GEMIN5: variants seen among roughly 807,000 people sequenced by gnomAD.
GEMIN5 encodes gem-associated protein 5.
In GEMIN5, 124 loss-of-function variants were observed where a neutral mutation model predicts 176.9. The observed-to-expected ratio is 0.70, with a 90% confidence interval of 0.61 to 0.81. The LOEUF (loss-of-function observed/expected upper bound fraction) is 0.81, where lower values mean the gene tolerates loss of function less well. Among genes scored for constraint, GEMIN5 ranks in the 40% least tolerant of loss-of-function variants. The pLI, the probability that GEMIN5 is intolerant of heterozygous loss-of-function variation, is 0.00. For missense variants in GEMIN5, 1,843 were observed against 1,814.6 expected, an observed-to-expected ratio of 1.02 and a Z score of -0.28; for synonymous variants, 673 against 665.2, an observed-to-expected ratio of 1.01 and a Z score of -0.18.
At chr5:154,890,364 G>A (rs1171847146) in intron 26 of GEMIN5, among the ~76,000 whole-genome samples, 1 of 151,926 alleles carries the variant, frequency 6.6e-6, no homozygotes, top group Non-Finnish European at 1.5e-5. Flanking sequence ...TTTTGCCTAT[G>A]ACACAGCCCT....
Position 154,907,666 on chromosome 5 carries a change from C to T in GEMIN5, c.2320G>A (p.Glu774Lys), listed in dbSNP as rs1272323309. The T allele has an allele frequency of 6.2e-7, 1 of 1,614,182 alleles. No individual in the cohort carries two copies. Among genetic ancestry groups the T allele is most frequent in the Admixed American group, 1.7e-5 (1 of 60,018 alleles). ...CCTTCTTGGTCTGACACACCATTCTCAACAGGTCCTGAGTTCTCCTTCATG... is the reference window on the plus strand; with the variant it reads ...CCTTCTTGGTCTGACACACCATTCTTAACAGGTCCTGAGTTCTCCTTCATG... ...ESMKENSGPVENGVSDQEGEE... is the reference protein window; with the variant it reads ...ESMKENSGPVKNGVSDQEGEE... The change falls in exon 16 of 28, where the codon GAG (glutamate) becomes AAG (lysine). Residue 774 changes from glutamate (E) to lysine (K), a missense_variant. Glu to Lys is a moderately conservative substitution (Grantham distance 56). Coordinates refer to ENST00000285873, the MANE Select transcript of GEMIN5 (RefSeq NM_015465.5).
chr5:154,918,880 C>A (rs892627544), intron 11 of GEMIN5, among the ~76,000 whole-genome samples: 2 of 151,784 alleles, frequency 1.3e-5, no homozygotes, highest in Admixed American at 1.3e-4. Flanking sequence ...CCTGTCTCTA[C>A]TAAAGACACA....
chr5:154,889,454 T>C, intron 26 of GEMIN5, 37 bp from the exon 27 acceptor site: 1 of 1,167,486 alleles, frequency 8.6e-7, no homozygotes, highest in South Asian at 1.2e-5. Context: ...TTGTATGTCT[T>C]GCCCTGGGTA....
At chr5:154,894,441 T>G (rs1188165448) in intron 24 of GEMIN5, among the ~76,000 whole-genome samples, 9 of 152,202 alleles carry the variant, frequency 5.9e-5, no homozygotes, top group African/African-American at 2.2e-4. Flanking sequence ...GTAGCAGAAC[T>G]GCTGAGACAT....
intron 24 of GEMIN5, among the ~76,000 whole-genome samples, chr5:154,895,391 A>C (rs1437040487): frequency 1.3e-5 from 2 of 152,160 alleles, no homozygotes; most frequent in African/African-American, 4.8e-5. Flanking sequence ...TAGCAGTTAA[A>C]ATAAATCAAC....
At position 154,931,464 on chromosome 5, in the gene GEMIN5, C is replaced by A; in HGVS notation, c.775G>T (p.Gly259Cys). ...QTIRIWSCSR[G>C]RGVMILKLPF... is the part of the protein sequence containing the mutation. ...AAAGAAAGATCAATCTTACCTCGGC[C>A]TCTAGAACAGCTCCAGATTCGAATG... Residue 259 changes from glycine (G) to cysteine (C), a missense_variant, in exon 5 of 28, where the codon GGC becomes TGC. Gly to Cys is a radical substitution (Grantham distance 159). Transcript: ENST00000285873. The A allele has an allele frequency of 6.2e-7, 1 of 1,610,244 alleles. No individual in the cohort carries two copies.
chr5:154,935,467 C>T (rs1322555382), intron 3 of GEMIN5, among the ~76,000 whole-genome samples: 1 of 152,164 alleles, frequency 6.6e-6, no homozygotes, highest in Non-Finnish European at 1.5e-5. Context: ...CATCACTTTC[C>T]CAATCTAAAG....
Position 154,912,959 on chromosome 5 carries a change from C to G in GEMIN5, c.1935G>C (p.Val645=). The G allele has an allele frequency of 1.9e-6, 3 of 1,613,828 alleles. No individual in the cohort carries two copies. The highest frequency in any genetic ancestry group is 2.5e-6 in the Non-Finnish European group (3 of 1,179,738). ...TTCCATCATGATGTGGGCTCCACGC[C>G]ACACTGGTAATCTTGGCCGTATGCC... ...LSGHTAKITS[V]AWSPHHDGRL... Residue 645 remains valine (V), a synonymous_variant, in exon 14 of 28, where the codon GTG becomes GTC. Coordinates refer to ENST00000285873, the MANE Select transcript of GEMIN5 (RefSeq NM_015465.5).
chr5:154,930,685 T>C (rs1764142306), intron 5 of GEMIN5, among the ~76,000 whole-genome samples: 1 of 151,982 alleles, frequency 6.6e-6, no homozygotes, highest in Admixed American at 6.6e-5. Context: ...TGCCAGGGCC[T>C]GGGGGAGGGG....
At chr5:154,898,363 T>C in intron 23 of GEMIN5, 77 bp downstream of exon 23, 1 of 1,306,782 alleles carries the variant, frequency 7.7e-7, no homozygotes, top group Admixed American at 1.7e-5. Context: ...GCAACTGGGT[T>C]ATTAACTTGG....
Position 154,935,871 on chromosome 5 carries a change from G to T in GEMIN5, c.479C>A (p.Ser160Ter), listed in dbSNP as rs1373944490. The T allele has an allele frequency of 6.2e-7, 1 of 1,613,478 alleles. No individual in the cohort carries two copies. The highest frequency in any genetic ancestry group is 1.1e-5 in the South Asian group (1 of 91,042). Residue 160 changes from serine to a stop codon, truncating the protein, a stop_gained, in exon 3 of 28, where the codon TCA becomes TAA. Coordinates refer to ENST00000285873, the MANE Select transcript of GEMIN5 (RefSeq NM_015465.5). LOFTEE classifies it high-confidence loss of function. ...GGCTACTAAATCTTCATGATGAGGT[G>T]AACAAGTAAGACAGAAAATTGTCCT... The part of the protein sequence containing the change: ...EPRTIFCLTC[S>*]PHHEDLVAIG...
At chr5:154,916,975 A>G in intron 13 of GEMIN5, 23 bp downstream of exon 13, 2 of 1,381,030 alleles carry the variant, frequency 1.4e-6, no homozygotes, top group South Asian at 3.1e-5. Context: ...TATCATCCCC[A>G]GTATGAAAGA....
intron 13 of GEMIN5, among the ~76,000 whole-genome samples, chr5:154,914,332 T>C (rs1763770697): frequency 6.6e-6 from 1 of 152,000 alleles, no homozygotes; most frequent in African/African-American, 2.4e-5. Context: ...AAATAAATAA[T>C]TTTTAAAAGA....
intron 23 of GEMIN5, among the ~76,000 whole-genome samples, chr5:154,896,807 T>A (rs1271874192): frequency 6.6e-6 from 1 of 152,192 alleles, no homozygotes; most frequent in Non-Finnish European, 1.5e-5. Flanking sequence ...AGGAGCCATG[T>A]CCAAATAGGT....
rs1054394673 is a variant in GEMIN5 at position 154,918,087 on chromosome 5, A to T, written c.1600-83T>A. The T allele has an allele frequency of 3.8e-5, 32 of 841,656 alleles. No homozygotes were observed. The South Asian group carries it at 4.5e-4, about 12-fold the overall frequency. The allele number at this position is 841,656 out of a possible 1,614,324, so 52.1% of individuals were successfully genotyped here. A position where few individuals can be genotyped will look rare whatever the true frequency, so the allele number is the denominator to read the frequency against. On this transcript the variant is annotated intron_variant, in intron 11 of 27. Coordinates refer to ENST00000285873, the MANE Select transcript of GEMIN5 (RefSeq NM_015465.5). Reference sequence around the variant, plus strand: ...CAGCATGAGAAAAAAAAATCCCTAGAGTTTAAAAACGTTTTAATTATACAA... The same window carrying T: ...CAGCATGAGAAAAAAAAATCCCTAGTGTTTAAAAACGTTTTAATTATACAA...
intron 1 of GEMIN5, among the ~76,000 whole-genome samples, chr5:154,937,504 C>G (rs1314905807): frequency 6.6e-6 from 1 of 152,210 alleles, no homozygotes; most frequent in East Asian, 1.9e-4. Context: ...CAGAATAAAT[C>G]ACCTGGCATG....
At position 154,917,163 on chromosome 5, in the gene GEMIN5, G is replaced by T; in HGVS notation, c.1690C>A (p.Gln564Lys). The part of the protein sequence containing the change: ...GNEDGSIEIF[Q>K]IPNLKLICTI... ...CAGATCAGTTTCAGGTTGGGAATCTGAAATATTTCTATTGATCTGGAATAA... is the reference window on the plus strand; with the variant it reads ...CAGATCAGTTTCAGGTTGGGAATCTTAAATATTTCTATTGATCTGGAATAA... Residue 564 changes from glutamine to lysine, a missense_variant, in exon 13 of 28, where the codon CAG (glutamine) becomes AAG (lysine). Physicochemically the swap from Gln to Lys is moderately conservative, Grantham distance 53 (BLOSUM62 1). Transcript: ENST00000285873. 6.7e-7 allele frequency: 1 copy of T among 1,492,216 alleles called. No individual in the cohort carries two copies. Among genetic ancestry groups the T allele is most frequent in the Non-Finnish European group, 9.1e-7 (1 of 1,103,552 alleles). 92.4% of individuals were successfully genotyped at this position (1,492,216 alleles called of 1,614,324 possible). A position where few individuals can be genotyped will look rare whatever the true frequency, so the allele number is the denominator to read the frequency against.
intron 9 of GEMIN5, 137 bp from the exon 10 acceptor site, chr5:154,921,562 T>C: frequency 1.7e-6 from 1 of 587,150 alleles, no homozygotes; most frequent in Non-Finnish European, 3.0e-6. Context: ...CAACAATATC[T>C]TGCTCCAAAT....
At position 154,924,550 on chromosome 5, in the gene GEMIN5, C is replaced by T. The variant is rs1172369804; in HGVS notation, c.1298G>A (p.Cys433Tyr). The T allele has an allele frequency of 6.2e-7, 1 of 1,604,792 alleles. No homozygotes were observed. The highest frequency in any genetic ancestry group is 2.2e-5 in the East Asian group (1 of 44,792). Residue 433 changes from cysteine (C) to tyrosine (Y), a missense_variant, in exon 9 of 28, where the codon TGC becomes TAC. Cys to Tyr is a radical substitution (Grantham distance 194). Coordinates refer to ENST00000285873, the MANE Select transcript of GEMIN5 (RefSeq NM_015465.5). ...QGVKSKVTALCWHPTKEGCLA... is the reference protein window; with the variant it reads ...QGVKSKVTALYWHPTKEGCLA... ...GCAACCTTCCTTGGTTGGGTGCCAG[C>T]ACAGCTACAAAAAAAAGAGTTTCCA... is the stretch of plus-strand genomic sequence containing the variant.
Sources: allele counts gnomAD v4.1 joint callset (sites outside exome capture counted in the v4.1 genomes callset), GRCh38; gene constraint gnomAD v4.1.1; transcripts MANE v1.5; gene names NCBI Gene and HGNC (gene_info 2026-07-23, HGNC 2026-07-21).